ERICH2: variants seen among roughly 807,000 people sequenced by gnomAD.
The protein encoded by ERICH2 is glutamate rich 2, also known as glutamate-rich protein 2.
A neutral mutation model predicts 17.4 loss-of-function variants in ERICH2; 17 were observed. The ratio of observed to expected loss-of-function variants is 0.98; its 90% CI spans 0.67 to 1.47. The LOEUF (loss-of-function observed/expected upper bound fraction) is 1.47. ERICH2 is among the 40% of genes most tolerant of loss of function. The pLI, the probability that ERICH2 is intolerant of heterozygous loss-of-function variation, is 0.00. For synonymous variants in ERICH2, 51 were observed against 61.1 expected (o/e 0.83, Z 0.77); for missense variants, 186 against 183.2 (o/e 1.01, Z -0.09).
At chr2:170,774,564 C>CTTCTTTTTTT in the ERICH2 span, among the ~76,000 whole-genome samples, 1 of 98,574 alleles carries the variant, frequency 1.0e-5, no homozygotes. Flanking sequence ...AGAGCCCCAT[C>CTTCTTTTTTT]TTTTTTTTTT....
chr2:170,798,206 AG>A, intron 4 of ERICH2, 94 bp downstream of exon 9: 1 of 863,932 alleles, frequency 1.2e-6, no homozygotes, highest in Non-Finnish European at 1.9e-6. Context: ...ATACATCTTT[AG>A]GAAGTGGTTA....
At chr2:170,798,704 G>T in intron 4 of ERICH2, 66 bp from the exon 10 acceptor site, 1 of 1,535,202 alleles carries the variant, frequency 6.5e-7, no homozygotes. Context: ...GAGGGGCAAG[G>T]AGAATTATTT....
chr2:170,783,452 G>A (rs542965766), upstream of ERICH2, among the ~76,000 whole-genome samples: 20 of 152,254 alleles, frequency 1.3e-4, no homozygotes, highest in African/African-American at 4.8e-4. Context: ...AGGAGGCTAA[G>A]GCACAAGACT....
chr2:170,773,353 T>A, the ERICH2 span, among the ~76,000 whole-genome samples: 1 of 152,244 alleles, frequency 6.6e-6, no homozygotes, highest in Non-Finnish European at 1.5e-5. Flanking sequence ...GTCACTGTCA[T>A]AATTTTCTCA....
upstream of ERICH2, among the ~76,000 whole-genome samples, chr2:170,781,547 T>A (rs1701028343): frequency 6.6e-6 from 1 of 151,544 alleles, no homozygotes; most frequent in South Asian, 2.1e-4. Context: ...GGCAGAGAAT[T>A]GCTTGAACCT....
the ERICH2 span, among the ~76,000 whole-genome samples, chr2:170,773,870 C>G: frequency 6.6e-6 from 1 of 152,094 alleles, no homozygotes; most frequent in Non-Finnish European, 1.5e-5. Context: ...AGACTACAGG[C>G]ATACACCACC....
chr2:170,774,695 C>G, the ERICH2 span, among the ~76,000 whole-genome samples: 53 of 151,962 alleles, frequency 3.5e-4, no homozygotes, highest in African/African-American at 1.2e-3. Context: ...CCTCAGCCTC[C>G]CGAGTAGCTG....
chr2:170,783,699 T>C (rs1559251884), upstream of ERICH2: 6 of 1,268,300 alleles, frequency 4.7e-6, no homozygotes, highest in South Asian at 1.4e-5. Context: ...CTGCTAACTG[T>C]TTGTGAAGTA....
intron 2 of ERICH2, among the ~76,000 whole-genome samples, chr2:170,789,272 A>T (rs1448650347): frequency 6.6e-6 from 1 of 151,966 alleles, no homozygotes; most frequent in Non-Finnish European, 1.5e-5. Flanking sequence ...TCCTAGATAT[A>T]TACTTCTGAC....
intron 3 of ERICH2, among the ~76,000 whole-genome samples, chr2:170,797,025 C>T (rs771459276): frequency 6.6e-6 from 1 of 151,942 alleles, no homozygotes; most frequent in Non-Finnish European, 1.5e-5. Flanking sequence ...TTGTTGTGGT[C>T]CAAAAGAAAG....
rs536927809 is a variant in ERICH2, at chr2:170,784,102, G to T, written c.28+236G>T. 3.0e-4 allele frequency among the ~76,000 whole-genome samples: 46 copies of T among 151,960 alleles called. 1 individual carries two copies. Among genetic ancestry groups the T allele is most frequent in the Admixed American group, 2.5e-3 (38 of 15,250 alleles). On this transcript the variant is annotated intron_variant, in intron 1 of 4. Coordinates refer to ENST00000409885, the Ensembl canonical transcript of ERICH2. ...TATACACTATTTAGAGTAGCTCATG[G>T]CTACCTTCCCATCAAAGAAGGCATC... is the stretch of plus-strand genomic sequence containing the variant.
chr2:170,796,257 G>C (rs1170078964), intron 3 of ERICH2, among the ~76,000 whole-genome samples: 1 of 152,172 alleles, frequency 6.6e-6, no homozygotes, highest in African/African-American at 2.4e-5. Context: ...CAGCTTCTAA[G>C]CAGGCACGCA....
At position 170,793,021 on chromosome 2, in the gene ERICH2, TC is replaced by T. The variant is rs1411132055; in HGVS notation, c.274+104del. 3 of 590,050 alleles carry T rather than the reference TC, an allele frequency of 5.1e-6. No homozygotes were observed. The African/African-American group carries it at 5.5e-5, about 11-fold the overall frequency. The allele number at this position is 590,050 out of a possible 1,614,324, so 36.6% of individuals were successfully genotyped here. Reference sequence around the variant, plus strand: ...CTTGATTATCATAGGTCTAGTGAATTCCCTGATAGTGTCTCAGTGATTCCTT... The same window carrying T: ...CTTGATTATCATAGGTCTAGTGAATTCCTGATAGTGTCTCAGTGATTCCTT... On this transcript the variant is annotated intron_variant, in intron 3 of 4. Coordinates refer to ENST00000409885, the Ensembl canonical transcript of ERICH2.
the ERICH2 span, among the ~76,000 whole-genome samples, chr2:170,776,516 C>A: frequency 0.42 from 63,670 of 151,856 alleles, 14,538 homozygotes; most frequent in African/African-American, 0.59. Context: ...TAGCTGGGAT[C>A]ACAGGCATCT....
upstream of ERICH2, among the ~76,000 whole-genome samples, chr2:170,782,820 C>A (rs1483287324): frequency 3.3e-5 from 5 of 152,184 alleles, no homozygotes; most frequent in Non-Finnish European, 5.9e-5. Flanking sequence ...TGGCTCATGC[C>A]TGTAACTCTC....
At chr2:170,797,608 G>A (rs547340886) in intron 3 of ERICH2, among the ~76,000 whole-genome samples, 2 of 152,066 alleles carry the variant, frequency 1.3e-5, no homozygotes, top group South Asian at 2.1e-4. Context: ...GACTAGCCTG[G>A]GCAACATGGT....
chr2:170,772,658 C>T, the ERICH2 span, among the ~76,000 whole-genome samples: 1 of 152,076 alleles, frequency 6.6e-6, no homozygotes, highest in African/African-American at 2.4e-5. Context: ...TCCTTGACAC[C>T]ATTTGTATAC....
chr2:170,776,539 G>A, the ERICH2 span, among the ~76,000 whole-genome samples: 11 of 152,022 alleles, frequency 7.2e-5, no homozygotes, highest in African/African-American at 2.7e-4. Context: ...CACCATGCCC[G>A]GCTAATTTTT....
chr2:170,792,218 A>G (rs1451096675), intron 2 of ERICH2, among the ~76,000 whole-genome samples: 4 of 152,210 alleles, frequency 2.6e-5, no homozygotes, highest in South Asian at 2.1e-4. Flanking sequence ...TTGTAAATGC[A>G]TATGTGTTAA....
Sources: gnomAD v4.1 joint callset for allele counts (sites outside exome capture counted in the v4.1 genomes callset) on GRCh38, gnomAD v4.1.1 for gene constraint, MANE v1.5 for transcripts, NCBI Gene and HGNC (gene_info 2026-07-23, HGNC 2026-07-21) for gene names.